Variants in CNTNAP2 observed in about 807,000 individuals in gnomAD.
CNTNAP2 encodes contactin associated protein 2, also known as contactin-associated protein-like 2.
CNTNAP2 carries 98 observed loss-of-function variants against 155.2 expected under a neutral mutation model. That is an observed-to-expected ratio of 0.63 (90% CI 0.54 to 0.75). The LOEUF is 0.75. Ranked by LOEUF, CNTNAP2 falls within the 30% of genes least tolerant of loss-of-function variation. The pLI is 0.00. For missense variants in CNTNAP2, 1,727 were observed against 1,688.1 expected, an observed-to-expected ratio of 1.02 and a Z score of -0.40; for synonymous variants, 651 against 631.2, an observed-to-expected ratio of 1.03 and a Z score of -0.47.
chr7:147,155,255 G>T (rs1200622809), intron 8 of CNTNAP2, among the ~76,000 whole-genome samples: 5 of 152,126 alleles, frequency 3.3e-5, no homozygotes, highest in South Asian at 2.1e-4. Context: ...GAGAAGACAG[G>T]CATCAACGAG....
chr7:146,196,595 G>C (rs940687619), intron 1 of CNTNAP2, among the ~76,000 whole-genome samples: 1 of 151,736 alleles, frequency 6.6e-6, no homozygotes, highest in Non-Finnish European at 1.5e-5. Context: ...GAGAGAGAGA[G>C]AAAGAGAAAG....
Position 146,138,242 on chromosome 7 carries a change from A to C in CNTNAP2, c.97+21269A>C, listed in dbSNP as rs117093876. Among the ~76,000 whole-genome samples, 88 of 152,266 alleles carry C rather than the reference A, an allele frequency of 5.8e-4. 2 individuals are homozygous for C. In the East Asian group the frequency reaches 0.015, roughly 26 times the overall value. On this transcript the variant is annotated intron_variant, in intron 1 of 23. Transcript: ENST00000361727. Reference sequence around the variant, plus strand: ...CAAAATGTTACTATGTGGAAAATGTAATGTACTTTGTGCATTGAATTTTAA... The same window carrying C: ...CAAAATGTTACTATGTGGAAAATGTCATGTACTTTGTGCATTGAATTTTAA...
intron 8 of CNTNAP2, among the ~76,000 whole-genome samples, chr7:147,137,705 C>A (rs775622240): frequency 8.6e-5 from 13 of 151,856 alleles, no homozygotes; most frequent in Non-Finnish European, 1.0e-4. Flanking sequence ...ATTTTATAAT[C>A]AGGTGCAGAA....
chr7:146,328,797 T>C (rs1334628811), intron 1 of CNTNAP2, among the ~76,000 whole-genome samples: 1 of 152,224 alleles, frequency 6.6e-6, no homozygotes, highest in East Asian at 1.9e-4. Context: ...TATTTGTCTT[T>C]CTGTGCCTGG....
At chr7:146,381,382 G>C (rs2129104985) in intron 1 of CNTNAP2, among the ~76,000 whole-genome samples, 1 of 152,160 alleles carries the variant, frequency 6.6e-6, no homozygotes, top group South Asian at 2.1e-4. Flanking sequence ...TTTTAAATTG[G>C]ATGAGACCAT....
chr7:147,351,182 T>C (rs1402785460), intron 9 of CNTNAP2, among the ~76,000 whole-genome samples: 1 of 151,858 alleles, frequency 6.6e-6, no homozygotes, highest in Non-Finnish European at 1.5e-5. Context: ...TCAAAATGTT[T>C]CTACAATATA....
intron 14 of CNTNAP2, among the ~76,000 whole-genome samples, chr7:147,969,378 T>C (rs1801290318): frequency 6.6e-6 from 1 of 152,112 alleles, no homozygotes; most frequent in African/African-American, 2.4e-5. Flanking sequence ...TTGATGACTA[T>C]GACTCTCCTG....
intron 21 of CNTNAP2, among the ~76,000 whole-genome samples, chr7:148,366,548 A>G (rs545823912): frequency 1.6e-4 from 24 of 152,330 alleles, no homozygotes; most frequent in Admixed American, 3.9e-4. Flanking sequence ...CAATTTTTCC[A>G]TGGATCCTTG....
chr7:147,436,153 G>T (rs966909874), intron 10 of CNTNAP2, among the ~76,000 whole-genome samples: 10 of 152,122 alleles, frequency 6.6e-5, no homozygotes, highest in African/African-American at 2.4e-4. Context: ...GAAGAATAAA[G>T]AGGTCTTATT....
chr7:147,850,422 A>G (rs1168333915), intron 13 of CNTNAP2, among the ~76,000 whole-genome samples: 1 of 152,258 alleles, frequency 6.6e-6, no homozygotes, highest in Non-Finnish European at 1.5e-5. Flanking sequence ...ACTGCTTTAA[A>G]GTTCATATGC....
intron 8 of CNTNAP2, among the ~76,000 whole-genome samples, chr7:147,252,487 T>C (rs1804221166): frequency 6.6e-6 from 1 of 152,236 alleles, no homozygotes; most frequent in Non-Finnish European, 1.5e-5. Context: ...TGTTCACTTT[T>C]AGTAAGTAAT....
chr7:147,684,643 G>A (rs1175253423), intron 13 of CNTNAP2, among the ~76,000 whole-genome samples: 1 of 151,732 alleles, frequency 6.6e-6, no homozygotes, highest in African/African-American at 2.4e-5. Context: ...TTACTTAATT[G>A]TTACATATAT....
intron 3 of CNTNAP2, among the ~76,000 whole-genome samples, chr7:146,888,129 A>G (rs1375270233): frequency 6.6e-6 from 1 of 152,078 alleles, no homozygotes; most frequent in Non-Finnish European, 1.5e-5. Context: ...CTTCTTACTC[A>G]AACAGAGTTC....
intron 15 of CNTNAP2, among the ~76,000 whole-genome samples, chr7:148,076,429 T>TTTTTTTTTTTG: frequency 8.5e-6 from 1 of 117,780 alleles, no homozygotes; most frequent in Non-Finnish European, 1.8e-5. Context: ...CTTCTTTTTT[T>TTTTTTTTTTTG]TTTTTTTTTT....
At chr7:147,060,579 T>C (rs550072935) in intron 4 of CNTNAP2, among the ~76,000 whole-genome samples, 166 of 151,318 alleles carry the variant, frequency 1.1e-3, no homozygotes, top group Admixed American at 5.3e-3. Context: ...AAAAAATATC[T>C]GGGGCCGGGC....
At chr7:147,153,611 G>A (rs1801867574) in intron 8 of CNTNAP2, among the ~76,000 whole-genome samples, 1 of 152,148 alleles carries the variant, frequency 6.6e-6, no homozygotes, top group Non-Finnish European at 1.5e-5. Context: ...ACAGTAAAGA[G>A]TAAATGTTTC....
chr7:147,603,268 G>A (rs898965814), intron 12 of CNTNAP2, among the ~76,000 whole-genome samples: 1 of 151,936 alleles, frequency 6.6e-6, no homozygotes, highest in African/African-American at 2.4e-5. Flanking sequence ...GTGTTTTTTG[G>A]CTGCATAAAT....
chr7:147,611,113 A>G (rs114335742), intron 12 of CNTNAP2, among the ~76,000 whole-genome samples: 2,779 of 152,032 alleles, frequency 0.018, 94 homozygotes, highest in African/African-American at 0.064. Context: ...TTTTTAATGA[A>G]GAGCAAGCAA....
intron 1 of CNTNAP2, among the ~76,000 whole-genome samples, chr7:146,584,084 C>A (rs569469934): frequency 6.6e-6 from 1 of 152,226 alleles, no homozygotes; most frequent in African/African-American, 2.4e-5. Context: ...CAAAATATTT[C>A]AACATTACTA....
Sources: gnomAD v4.1 joint callset for allele counts (sites outside exome capture counted in the v4.1 genomes callset) on GRCh38, gnomAD v4.1.1 for gene constraint, MANE v1.5 for transcripts, NCBI Gene and HGNC (gene_info 2026-07-23, HGNC 2026-07-21) for gene names.